The following GALNTL6 variants were observed in gnomAD, a reference collection of about 807,000 sequenced individuals.
The protein encoded by GALNTL6 is polypeptide N-acetylgalactosaminyltransferase like 6, also known as polypeptide N-acetylgalactosaminyltransferase-like 6.
Under a neutral mutation model 73.7 loss-of-function variants are expected in GALNTL6, and 46 were observed. That is an observed-to-expected ratio of 0.62 (90% confidence interval 0.49 to 0.80). GALNTL6 has a LOEUF of 0.80. Among genes scored for constraint, GALNTL6 ranks in the 30% least tolerant of loss-of-function variants. The pLI is 0.00. For synonymous variants in GALNTL6, 259 were observed against 263.7 expected (o/e 0.98, Z 0.17); for missense variants, 604 against 755.0 (o/e 0.80, Z 2.34).
At chr4:171,912,365 A>T (rs887290548) in intron 2 of GALNTL6, among the ~76,000 whole-genome samples, 1 of 152,108 alleles carries the variant, frequency 6.6e-6, no homozygotes, top group African/African-American at 2.4e-5. Context: ...TACAGTAAGG[A>T]AGGGGATGAT....
At chr4:172,231,173 A>AT (rs372578922) in intron 3 of GALNTL6, among the ~76,000 whole-genome samples, 24 of 152,024 alleles carry the variant, frequency 1.6e-4, no homozygotes, top group African/African-American at 5.5e-4. Context: ...TAGTACTTTT[A>AT]TTTTTTTCCT....
intron 5 of GALNTL6, among the ~76,000 whole-genome samples, chr4:172,442,487 C>T (rs336010): frequency 0.87 from 131,764 of 152,174 alleles, 57,090 homozygotes; most frequent in South Asian, 0.89. Context: ...ACTATACTTA[C>T]GGAAATAATC....
chr4:172,639,076 G>A (rs947008359), intron 5 of GALNTL6, among the ~76,000 whole-genome samples: 9 of 152,064 alleles, frequency 5.9e-5, no homozygotes, highest in African/African-American at 1.9e-4. Flanking sequence ...ATTTGGTCAA[G>A]GTGTTACATG....
intron 2 of GALNTL6, among the ~76,000 whole-genome samples, chr4:172,009,530 C>T (rs1387961181): frequency 6.6e-6 from 1 of 152,210 alleles, no homozygotes. Context: ...CTTGATGATG[C>T]TTCTCATTTA....
intron 2 of GALNTL6, among the ~76,000 whole-genome samples, chr4:171,952,018 T>C (rs560816199): frequency 1.3e-5 from 2 of 151,900 alleles, no homozygotes; most frequent in Non-Finnish European, 2.9e-5. Context: ...ATTAATGAAA[T>C]AGAATACAAA....
intron 2 of GALNTL6, among the ~76,000 whole-genome samples, chr4:171,819,748 G>A (rs1734633614): frequency 6.6e-6 from 1 of 152,024 alleles, no homozygotes; most frequent in Non-Finnish European, 1.5e-5. Context: ...AGATGTAAGT[G>A]GAATATAGAA....
chr4:172,605,269 C>T (rs1052862325), intron 5 of GALNTL6, among the ~76,000 whole-genome samples: 1 of 152,108 alleles, frequency 6.6e-6, no homozygotes, highest in Non-Finnish European at 1.5e-5. Flanking sequence ...TTTCATCCCT[C>T]TACGATTTTC....
intron 2 of GALNTL6, among the ~76,000 whole-genome samples, chr4:172,000,893 A>T (rs1740654047): frequency 6.6e-6 from 1 of 152,176 alleles, no homozygotes. Context: ...TCAGCATGAA[A>T]GTAGCACACA....
At chr4:171,940,533 G>A (rs1738497731) in intron 2 of GALNTL6, among the ~76,000 whole-genome samples, 1 of 152,044 alleles carries the variant, frequency 6.6e-6, no homozygotes, top group Non-Finnish European at 1.5e-5. Context: ...TGAAAAAAGA[G>A]GTGAAGGGCC....
intron 7 of GALNTL6, among the ~76,000 whole-genome samples, chr4:172,862,928 C>A (rs1744472169): frequency 1.3e-5 from 2 of 152,232 alleles, no homozygotes; most frequent in Non-Finnish European, 2.9e-5. Flanking sequence ...CTGCTATGTG[C>A]AGCCTAGGGA....
chr4:172,852,595 T>C (rs1560993190), intron 7 of GALNTL6, among the ~76,000 whole-genome samples: 4 of 152,178 alleles, frequency 2.6e-5, no homozygotes, highest in Non-Finnish European at 5.9e-5. Context: ...TATATGTTTA[T>C]TCGGGGTAAG....
chr4:172,559,554 A>G lies in GALNTL6; in HGVS notation c.553+210865A>G, dbSNP rs534188278. 5.3e-5 allele frequency among the ~76,000 whole-genome samples: 8 copies of G among 152,262 alleles called. No individual in the cohort carries two copies. In the East Asian group the frequency reaches 1.5e-3, roughly 29 times the overall value. On this transcript the variant is annotated intron_variant, in intron 5 of 12. Coordinates refer to ENST00000506823, the MANE Select transcript of GALNTL6 (RefSeq NM_001034845.3). The stretch of plus-strand genomic sequence containing the variant: ...CATCATAATCCGGATTAAAATTTCT[A>G]CCATCTGTAATCTTACCATTAGGCC...
At chr4:172,688,010 G>A (rs918266440) in intron 5 of GALNTL6, among the ~76,000 whole-genome samples, 2 of 152,158 alleles carry the variant, frequency 1.3e-5, no homozygotes, top group South Asian at 4.1e-4. Context: ...CGGCAAATGT[G>A]TTCCTAGGAA....
At chr4:172,405,437 ATATATATTTTTTTT>A (rs1284290958) in intron 5 of GALNTL6, among the ~76,000 whole-genome samples, 1 of 2,828 alleles carries the variant, frequency 3.5e-4, no homozygotes, top group Non-Finnish European at 8.8e-4. Flanking sequence ...ATATATATAT[ATATATATTTTTTTT>A]TTTTTTTTTT....
chr4:172,862,366 A>G (rs1744437957), intron 7 of GALNTL6, among the ~76,000 whole-genome samples: 1 of 152,186 alleles, frequency 6.6e-6, no homozygotes, highest in African/African-American at 2.4e-5. Context: ...GGCAGAAGAA[A>G]TTTCTAAGCG....
Position 172,030,695 on chromosome 4 carries a change from G to A in GALNTL6, c.139-198961G>A, listed in dbSNP as rs563000225. ...ACTGTACTCTAGCCTGGGCCACACA[G>A]CTAGACTCTGTCTCCAAAAGAATAA... On this transcript the variant is annotated intron_variant, in intron 2 of 12. Transcript: ENST00000506823. 5.3e-5 allele frequency among the ~76,000 whole-genome samples: 8 copies of A among 151,944 alleles called. No individual in the cohort carries two copies. The South Asian group carries it at 1.7e-3, about 32-fold the overall frequency.
At chr4:172,260,067 T>C (rs1214969041) in intron 3 of GALNTL6, among the ~76,000 whole-genome samples, 1 of 151,878 alleles carries the variant, frequency 6.6e-6, no homozygotes, top group African/African-American at 2.4e-5. Flanking sequence ...ACTTTGGCTA[T>C]GTGGGCTTTT....
intron 4 of GALNTL6, among the ~76,000 whole-genome samples, chr4:172,343,114 C>A (rs1363010628): frequency 1.3e-5 from 2 of 152,084 alleles, no homozygotes; most frequent in African/African-American, 2.4e-5. Context: ...ATATAACCTC[C>A]TGACTATTGT....
chr4:172,802,041 A>G (rs1740677043), intron 5 of GALNTL6, among the ~76,000 whole-genome samples: 1 of 152,102 alleles, frequency 6.6e-6, no homozygotes, highest in African/African-American at 2.4e-5. Context: ...TTATCCTTAT[A>G]ATTTATTTAT....
Sources: allele counts gnomAD v4.1 joint callset (sites outside exome capture counted in the v4.1 genomes callset), GRCh38; gene constraint gnomAD v4.1.1; transcripts MANE v1.5; gene names NCBI Gene and HGNC (gene_info 2026-07-23, HGNC 2026-07-21).